ZBTB20: variants seen among roughly 807,000 people sequenced by gnomAD.
ZBTB20 encodes the protein zinc finger and BTB domain-containing protein 20.
Under a neutral mutation model 56.9 loss-of-function variants are expected in ZBTB20, and 9 were observed. The ratio of observed to expected loss-of-function variants is 0.16; its 90% CI spans 0.10 to 0.28. The LOEUF is 0.28. Among genes scored for constraint, ZBTB20 ranks in the 10% least tolerant of loss-of-function variants. The pLI is 1.00. For missense variants in ZBTB20, 655 were observed against 1,003.0 expected, an observed-to-expected ratio of 0.65 and a Z score of 4.69; for synonymous variants, 417 against 420.7, an observed-to-expected ratio of 0.99 and a Z score of 0.11.
intron 5 of ZBTB20, among the ~76,000 whole-genome samples, chr3:114,695,623 T>C (rs2062962184): frequency 6.6e-6 from 1 of 152,046 alleles, no homozygotes; most frequent in Admixed American, 6.6e-5. Flanking sequence ...TAAGTTTTTT[T>C]TTTTTAAATT....
At chr3:114,903,897 A>G (rs2075223078) in intron 3 of ZBTB20, among the ~76,000 whole-genome samples, 1 of 151,926 alleles carries the variant, frequency 6.6e-6, no homozygotes, top group South Asian at 2.1e-4. Flanking sequence ...AAAAAACGTT[A>G]GAGTCAGTTT....
intron 4 of ZBTB20, among the ~76,000 whole-genome samples, chr3:114,894,124 A>AT (rs11395650): frequency 0.93 from 141,368 of 152,180 alleles, 65,832 homozygotes; most frequent in East Asian, 1. Context: ...TCCATTTAAA[A>AT]GCAGCACGGG....
chr3:114,924,980 C>CTTTTTT (rs578028983), intron 3 of ZBTB20, among the ~76,000 whole-genome samples: 28 of 99,850 alleles, frequency 2.8e-4, no homozygotes, highest in Admixed American at 4.5e-4. Context: ...TTTGGTTCTT[C>CTTTTTT]TTTTTTTTTT....
chr3:114,780,550 C>A (rs1051538674), intron 5 of ZBTB20, among the ~76,000 whole-genome samples: 6 of 152,092 alleles, frequency 3.9e-5, no homozygotes, highest in Non-Finnish European at 7.4e-5. Flanking sequence ...TGCAGTGGTG[C>A]GATCTCGGCT....
intron 10 of ZBTB20, among the ~76,000 whole-genome samples, chr3:114,368,854 T>A (rs1381342378): frequency 6.6e-6 from 1 of 152,226 alleles, no homozygotes; most frequent in Non-Finnish European, 1.5e-5. Flanking sequence ...GTCACCCATC[T>A]GGGACCTTTA....
chr3:114,490,164 G>T (rs1261416813), intron 7 of ZBTB20, among the ~76,000 whole-genome samples: 1 of 152,044 alleles, frequency 6.6e-6, no homozygotes, highest in Non-Finnish European at 1.5e-5. Flanking sequence ...GGGATGAGCT[G>T]CTATATAAGA....
chr3:114,770,183 C>G (rs541478278), intron 5 of ZBTB20, among the ~76,000 whole-genome samples: 1 of 151,404 alleles, frequency 6.6e-6, no homozygotes, highest in African/African-American at 2.4e-5. Context: ...CACCAAAACT[C>G]ACAAATCGCC....
intron 6 of ZBTB20, among the ~76,000 whole-genome samples, chr3:114,620,305 T>C (rs66498741): frequency 0.094 from 14,347 of 152,224 alleles, 893 homozygotes; most frequent in Non-Finnish European, 0.13. Flanking sequence ...CTTTTCTTTT[T>C]TTTTGAGATG....
intron 5 of ZBTB20, among the ~76,000 whole-genome samples, chr3:114,733,228 C>T (rs1395316549): frequency 6.6e-6 from 1 of 152,158 alleles, no homozygotes; most frequent in African/African-American, 2.4e-5. Flanking sequence ...TATATTTGCT[C>T]TCATTTCCTC....
chr3:114,407,831 G>GA (rs1408812389), intron 7 of ZBTB20, among the ~76,000 whole-genome samples: 1 of 151,618 alleles, frequency 6.6e-6, no homozygotes, highest in African/African-American at 2.4e-5. Flanking sequence ...TATTACCTCT[G>GA]AAAATAGGAT....
chr3:114,321,939 C>T lies in ZBTB20; in HGVS notation c.*17066G>A, dbSNP rs377068330. Reference sequence around the variant, plus strand: ...TAAATTATTAATCTAGTACTCACTACGACAAGAAAGGCACTATCACAACAG... The same window carrying T: ...TAAATTATTAATCTAGTACTCACTATGACAAGAAAGGCACTATCACAACAG... On this transcript the variant is annotated 3_prime_UTR_variant, in exon 12 of 12. Transcript: ENST00000675478. 6 of 152,190 alleles carry T rather than the reference C, an allele frequency of 3.9e-5. No homozygotes were observed. Among genetic ancestry groups the T allele is most frequent in the African/African-American group, 1.2e-4 (5 of 41,434 alleles). 9.4% of individuals were successfully genotyped at this position (152,190 alleles called of 1,614,324 possible). A position where few individuals can be genotyped will look rare whatever the true frequency, so the allele number is the denominator to read the frequency against.
intron 10 of ZBTB20, among the ~76,000 whole-genome samples, chr3:114,370,806 G>T (rs7626635): frequency 4.0e-5 from 6 of 151,868 alleles, no homozygotes; most frequent in Non-Finnish European, 7.4e-5. Flanking sequence ...GCTCATACTC[G>T]GCACTATATA....
chr3:114,876,070 A>G (rs1329910923), intron 4 of ZBTB20, among the ~76,000 whole-genome samples: 2 of 151,828 alleles, frequency 1.3e-5, no homozygotes, highest in Non-Finnish European at 2.9e-5. Flanking sequence ...CCCCATCTCT[A>G]CAAAATTTTT....
intron 1 of ZBTB20, among the ~76,000 whole-genome samples, chr3:115,073,210 G>T (rs2082474157): frequency 6.6e-6 from 1 of 152,158 alleles, no homozygotes; most frequent in African/African-American, 2.4e-5. Context: ...GAAAAGCATT[G>T]CTTCCTCAAA....
intron 3 of ZBTB20, 170 bp from the exon 4 acceptor site, chr3:114,900,512 T>TATACACACACACACACAC (rs549497546): frequency 4.1e-5 from 6 of 145,642 alleles, no homozygotes; most frequent in Non-Finnish European, 1.5e-5. Flanking sequence ...TGAAAATATA[T>TATACACACACACACACAC]ACACACACAC....
chr3:114,490,008 A>G (rs1476663603), intron 7 of ZBTB20, among the ~76,000 whole-genome samples: 3 of 152,130 alleles, frequency 2.0e-5, no homozygotes, highest in African/African-American at 7.2e-5. Flanking sequence ...TTGCATTACC[A>G]GCACCTGGAA....
chr3:114,982,496 A>ACTGT (rs1459659879), intron 2 of ZBTB20, among the ~76,000 whole-genome samples: 18 of 152,072 alleles, frequency 1.2e-4, no homozygotes, highest in African/African-American at 3.9e-4. Context: ...TAATTCCATG[A>ACTGT]AGAGAAAAGG....
chr3:115,081,422 T>C (rs1032595176), intron 1 of ZBTB20, among the ~76,000 whole-genome samples: 4 of 152,170 alleles, frequency 2.6e-5, no homozygotes, highest in African/African-American at 9.6e-5. Context: ...AGACTTTTCC[T>C]TGCATTTCAG....
intron 6 of ZBTB20, among the ~76,000 whole-genome samples, chr3:114,685,184 C>G (rs1317030976): frequency 6.6e-6 from 1 of 151,906 alleles, no homozygotes; most frequent in Non-Finnish European, 1.5e-5. Flanking sequence ...AAGAAAGGGC[C>G]CCAAACAAAG....
Sources: gnomAD v4.1 joint callset for allele counts (sites outside exome capture counted in the v4.1 genomes callset) on GRCh38, gnomAD v4.1.1 for gene constraint, MANE v1.5 for transcripts, NCBI Gene and HGNC (gene_info 2026-07-23, HGNC 2026-07-21) for gene names.